The following ST8SIA1 variants were observed in gnomAD, a reference collection of about 807,000 sequenced individuals.
ST8SIA1 encodes alpha-N-acetylneuraminide alpha-2,8-sialyltransferase.
ST8SIA1 carries 16 observed loss-of-function variants against 35.9 expected under a neutral mutation model. The observed-to-expected ratio is 0.45, with a 90% CI of 0.30 to 0.68. ST8SIA1 has a LOEUF of 0.68. ST8SIA1 is among the 30% of genes least tolerant of loss of function. The pLI is 0.09. For synonymous variants in ST8SIA1, 170 were observed against 169.6 expected (o/e 1.00, Z -0.02); for missense variants, 383 against 453.6 (o/e 0.84, Z 1.41).
At chr12:22,222,855 A>G (rs1865315256) in intron 4 of ST8SIA1, among the ~76,000 whole-genome samples, 1 of 152,140 alleles carries the variant, frequency 6.6e-6, no homozygotes, top group Non-Finnish European at 1.5e-5. Context: ...AAATACACAA[A>G]TACCCCTAAA....
At chr12:22,297,101 A>G (rs1866255812) in intron 1 of ST8SIA1, among the ~76,000 whole-genome samples, 1 of 152,110 alleles carries the variant, frequency 6.6e-6, no homozygotes, top group African/African-American at 2.4e-5. Context: ...TCCATTCAGA[A>G]ACACTTTTTC....
chr12:22,240,078 A>G (rs938295668), intron 4 of ST8SIA1, among the ~76,000 whole-genome samples: 35 of 152,326 alleles, frequency 2.3e-4, no homozygotes, highest in African/African-American at 8.2e-4. Flanking sequence ...AACAAAATGT[A>G]TTGCAACTGG....
intron 1 of ST8SIA1, among the ~76,000 whole-genome samples, chr12:22,309,333 T>G (rs1323479009): frequency 6.6e-6 from 1 of 152,068 alleles, no homozygotes; most frequent in Non-Finnish European, 1.5e-5. Context: ...GCCCCTCCTT[T>G]TTGCCTGATG....
At chr12:22,246,573 A>G (rs1865605602) in intron 4 of ST8SIA1, among the ~76,000 whole-genome samples, 1 of 152,116 alleles carries the variant, frequency 6.6e-6, no homozygotes, top group African/African-American at 2.4e-5. Flanking sequence ...CGGTCACTGG[A>G]AAGAGCCAGA....
chr12:22,256,725 G>A (rs1865732146), intron 2 of ST8SIA1, among the ~76,000 whole-genome samples: 2 of 152,162 alleles, frequency 1.3e-5, no homozygotes, highest in Non-Finnish European at 2.9e-5. Context: ...CAAAGGAACA[G>A]CCAGAGCTAT....
chr12:22,286,458 G>A, intron 2 of ST8SIA1: 1 of 518,928 alleles, frequency 1.9e-6, no homozygotes, highest in Admixed American at 1.9e-5. Context: ...GGGAGGCCAT[G>A]ATTCATTTCT....
At chr12:22,220,081 A>C (rs746211262) in intron 4 of ST8SIA1, among the ~76,000 whole-genome samples, 11 of 152,204 alleles carry the variant, frequency 7.2e-5, no homozygotes, top group Non-Finnish European at 1.5e-4. Flanking sequence ...CATGGGAATT[A>C]AGCTCTACAT....
intron 1 of ST8SIA1, among the ~76,000 whole-genome samples, chr12:22,289,921 C>G (rs1271981086): frequency 3.3e-5 from 5 of 152,172 alleles, no homozygotes; most frequent in African/African-American, 1.2e-4. Flanking sequence ...CGCTGAGACC[C>G]AGAGACTTGT....
chr12:22,293,379 C>A (rs1264838142), intron 1 of ST8SIA1, among the ~76,000 whole-genome samples: 4 of 152,266 alleles, frequency 2.6e-5, no homozygotes, highest in African/African-American at 9.6e-5. Flanking sequence ...AAAGTTCTTC[C>A]TATTCTAATG....
chr12:22,268,467 C>T (rs1012665498), intron 2 of ST8SIA1: 1 of 152,200 alleles, frequency 6.6e-6, no homozygotes, highest in African/African-American at 2.4e-5. Context: ...TAAAGACATA[C>T]CTGAGAGTGG....
At chr12:22,323,287 T>C (rs543201430) in intron 1 of ST8SIA1, among the ~76,000 whole-genome samples, 57 of 152,378 alleles carry the variant, frequency 3.7e-4, no homozygotes, top group African/African-American at 1.3e-3. Context: ...TATATCTATT[T>C]ATGCAATCAC....
chr12:22,268,953 TC>T (rs1296150024), intron 2 of ST8SIA1, among the ~76,000 whole-genome samples: 4 of 152,166 alleles, frequency 2.6e-5, no homozygotes, highest in African/African-American at 4.8e-5. Flanking sequence ...ATGTAAAAGC[TC>T]CTCATTTTTA....
intron 3 of ST8SIA1, among the ~76,000 whole-genome samples, chr12:22,253,427 T>C (rs2120761361): frequency 6.6e-6 from 1 of 152,326 alleles, no homozygotes; most frequent in Middle Eastern, 3.4e-3. Context: ...TTCATGACAC[T>C]GCAACAGCAC....
intron 4 of ST8SIA1, among the ~76,000 whole-genome samples, chr12:22,232,234 C>A (rs1865429058): frequency 6.6e-6 from 1 of 152,164 alleles, no homozygotes; most frequent in Non-Finnish European, 1.5e-5. Context: ...AGTGGTGAGG[C>A]TGGAAGCATA....
rs67273710 is a variant in ST8SIA1, at chr12:22,285,877, C to CAAAAAAAACAAAAAAAACA, written c.381+1271_381+1272insTGTTTTTTTTGTTTTTTTT. 3.5e-3 allele frequency among the ~76,000 whole-genome samples: 361 copies of CAAAAAAAACAAAAAAAACA among 103,616 alleles called. 3 individuals carry two copies. The highest frequency in any genetic ancestry group is 0.015 in the East Asian group (48 of 3,158). 68.0% of individuals were successfully genotyped at this position (103,616 alleles called of 152,430 possible). ...AGAGTAAGTAAGACTCTGTCAAAAA[C>CAAAAAAAACAAAAAAAACA]AAAAAAAAAAAAAAAAAAAGGACAT... On this transcript the variant is annotated intron_variant, in intron 2 of 4. Coordinates refer to ENST00000396037, the MANE Select transcript of ST8SIA1 (RefSeq NM_003034.4).
At chr12:22,208,133 C>CAAAAAA (rs1409093008) in intron 4 of ST8SIA1, among the ~76,000 whole-genome samples, 1 of 67,254 alleles carries the variant, frequency 1.5e-5, no homozygotes. Context: ...GTGTCTGTCT[C>CAAAAAA]ACAAAAAAAA....
intron 4 of ST8SIA1, among the ~76,000 whole-genome samples, chr12:22,226,069 T>G (rs997843820): frequency 6.6e-6 from 1 of 152,218 alleles, no homozygotes; most frequent in African/African-American, 2.4e-5. Flanking sequence ...AATTTCTTAT[T>G]CTTGAATATT....
chr12:22,300,285 G>T (rs1866302115), intron 1 of ST8SIA1, among the ~76,000 whole-genome samples: 1 of 152,060 alleles, frequency 6.6e-6, no homozygotes, highest in Non-Finnish European at 1.5e-5. Context: ...GAGACACAAG[G>T]CCAGAAATTA....
chr12:22,200,295 T>A lies in ST8SIA1; in HGVS notation c.*1257A>T, dbSNP rs1355700327. ...TCTTATATCAACATGTAATGGATAG[T>A]GCATAACACATTTGTGATTCTCCAA... is the stretch of plus-strand genomic sequence containing the variant. On this transcript the variant is annotated 3_prime_UTR_variant, in exon 5 of 5. Transcript: ENST00000396037. The A allele has an allele frequency of 6.6e-6, 1 of 152,214 alleles. No homozygotes were observed. The highest frequency in any genetic ancestry group is 1.5e-5 in the Non-Finnish European group (1 of 68,036). 9.4% of individuals were successfully genotyped at this position (152,214 alleles called of 1,614,324 possible).
Sources: gnomAD v4.1 joint callset for allele counts (sites outside exome capture counted in the v4.1 genomes callset) on GRCh38, gnomAD v4.1.1 for gene constraint, MANE v1.5 for transcripts, NCBI Gene and HGNC (gene_info 2026-07-23, HGNC 2026-07-21) for gene names.